HHIPL2: variants seen among roughly 807,000 people sequenced by gnomAD.
HHIPL2 encodes the protein HHIP like 2.
Under a neutral mutation model 61.0 loss-of-function variants are expected in HHIPL2, and 61 were observed. The ratio of observed to expected loss-of-function variants is 1.00; its 90% CI spans 0.81 to 1.24. The LOEUF (loss-of-function observed/expected upper bound fraction) is 1.24. Among genes scored for constraint, HHIPL2 ranks in the 50% most tolerant of loss-of-function variants. HHIPL2 has a pLI of 0.00. For synonymous variants in HHIPL2, 343 were observed against 357.4 expected (o/e 0.96, Z 0.45); for missense variants, 885 against 910.2 (o/e 0.97, Z 0.36).
In HHIPL2 at chr1:222,522,905, A is replaced by G. The variant is rs750606508; in HGVS notation, c.1889-18T>C. 5 of 1,600,270 alleles carry G rather than the reference A, an allele frequency of 3.1e-6. No individual in the cohort carries two copies. In the East Asian group the frequency reaches 8.9e-5, roughly 29 times the overall value. On this transcript the variant is annotated intron_variant, in intron 8 of 8. Transcript: ENST00000343410. ...GACTGTCTCTGAGAAATCAGTATTTATTTAGTGAAAAATATAAGTCCCAGA... is the reference window on the plus strand; with the variant it reads ...GACTGTCTCTGAGAAATCAGTATTTGTTTAGTGAAAAATATAAGTCCCAGA...
At chr1:222,547,358 G>A (rs1286000665) in intron 1 of HHIPL2, among the ~76,000 whole-genome samples, 2 of 152,148 alleles carry the variant, frequency 1.3e-5, no homozygotes, top group Admixed American at 1.3e-4. Flanking sequence ...AATTCCACGG[G>A]TTTAAGTGCC....
intron 5 of HHIPL2, among the ~76,000 whole-genome samples, chr1:222,537,481 A>C (rs1659324751): frequency 1.3e-5 from 2 of 151,838 alleles, no homozygotes. Context: ...AATACAAAAA[A>C]TTAGCTGGGC....
chr1:222,543,706 C>T lies in HHIPL2; in HGVS notation c.805G>A (p.Gly269Arg). Reference protein sequence around the residue: ...KNIVLTTPWIGDERGFLGLAF... With the variant: ...KNIVLTTPWIRDERGFLGLAF... ...AACCCCAAGAAGCCTCTCTCATCCC[C>T]GATCCATGGGGTGGTCAACACGATG... The change falls in exon 2 of 9, where the codon GGG (glycine) becomes AGG (arginine). Residue 269 changes from glycine to arginine, a missense_variant. By Grantham distance (125) the Gly-to-Arg change is moderately radical (BLOSUM62 -2). Coordinates refer to ENST00000343410, the MANE Select transcript of HHIPL2 (RefSeq NM_024746.4). 1 of 1,614,196 alleles carries T rather than the reference C, an allele frequency of 6.2e-7. No individual in the cohort carries two copies. The highest frequency in any genetic ancestry group is 2.2e-5 in the East Asian group (1 of 44,878).
In HHIPL2 at chr1:222,540,040, C is replaced by A; in HGVS notation, c.1420G>T (p.Asp474Tyr). The change falls in exon 4 of 9, where the codon GAC (aspartate) becomes TAC (tyrosine). Residue 474 changes from aspartate (D) to tyrosine (Y), a missense_variant. Transcript: ENST00000343410. ...WRAKEGFACY[D>Y]KKLCHNASLD... ...GAGGCATTGTGACAAAGTTTTTTGT[C>A]ATAACATGCAAACCCTTCCTTTGCT... 6.2e-7 allele frequency: 1 copy of A among 1,614,028 alleles called. No individual in the cohort carries two copies. The highest frequency in any genetic ancestry group is 1.1e-5 in the South Asian group (1 of 91,038).
intron 4 of HHIPL2, among the ~76,000 whole-genome samples, chr1:222,539,563 GA>G (rs1172728703): frequency 7.3e-6 from 1 of 137,360 alleles, no homozygotes; most frequent in East Asian, 2.1e-4. Flanking sequence ...AGAAAGAAAA[GA>G]AAAAAAAAGA....
intron 1 of HHIPL2, among the ~76,000 whole-genome samples, chr1:222,545,739 T>C (rs1004616109): frequency 6.6e-6 from 1 of 151,908 alleles, no homozygotes; most frequent in Non-Finnish European, 1.5e-5. Context: ...TCAAAGCCCA[T>C]AAGGTCTCTA....
intron 1 of HHIPL2, among the ~76,000 whole-genome samples, chr1:222,546,047 AAAATAAAT>A (rs142768169): frequency 7.1e-6 from 1 of 141,280 alleles, no homozygotes; most frequent in Non-Finnish European, 1.5e-5. Flanking sequence ...TCTGTCTCAA[AAAATAAAT>A]AAATAAATAA....
chr1:222,529,369 C>T (rs1237981595), intron 6 of HHIPL2, among the ~76,000 whole-genome samples: 1 of 152,120 alleles, frequency 6.6e-6, no homozygotes, highest in Admixed American at 6.6e-5. Flanking sequence ...GTGATTCTAC[C>T]ATTAGATAAA....
In HHIPL2 at chr1:222,522,669, G is replaced by A; in HGVS notation, c.2107C>T (p.Leu703=). Residue 703 remains leucine (L), a synonymous_variant, in exon 9 of 9, where the codon CTG becomes TTG. Transcript: ENST00000343410. ...HVRQGKRRKS[L]KSHSGRMRPS... ...CTCATCCTGCCACTGTGGCTTTTCA[G>A]GCTCTTCCTCCTCTTGCCCTGGCGG... 1 of 1,614,166 alleles carries A rather than the reference G, an allele frequency of 6.2e-7. No individual in the cohort carries two copies.
At chr1:222,526,705 CAAAAAA>C (rs1187186640) in intron 7 of HHIPL2, among the ~76,000 whole-genome samples, 2 of 54,280 alleles carry the variant, frequency 3.7e-5, no homozygotes, top group East Asian at 1.2e-3. Context: ...AACTCCATCT[CAAAAAA>C]AAAAAAAAAA....
intron 2 of HHIPL2, among the ~76,000 whole-genome samples, chr1:222,542,523 TC>T (rs1407249966): frequency 7.6e-6 from 1 of 131,258 alleles, no homozygotes; most frequent in Non-Finnish European, 1.6e-5. Flanking sequence ...CCCCACCACA[TC>T]TGGCTTTTTT....
rs145663725 is a variant in HHIPL2, at chr1:222,543,817, A to G, written c.694T>C (p.Phe232Leu). The change falls in exon 2 of 9, where the codon TTC becomes CTC. Residue 232 changes from phenylalanine to leucine, a missense_variant. Coordinates refer to ENST00000343410, the MANE Select transcript of HHIPL2 (RefSeq NM_024746.4). ...MVHAGDGTHR[F>L]FVAEQVGVVW... ...ACTCCTACCTGCTCGGCAACAAAGA[A>G]GCGATGGGTGCCGTCCCCAGCATGG... 2 of 1,614,144 alleles carry G rather than the reference A, an allele frequency of 1.2e-6. No homozygotes were observed. Among genetic ancestry groups the G allele is most frequent in the Non-Finnish European group, 1.7e-6 (2 of 1,180,016 alleles).
In HHIPL2 at chr1:222,528,606, G is replaced by A. The variant is rs541594346; in HGVS notation, c.1724-1556C>T. Among the ~76,000 whole-genome samples, 14 of 150,868 alleles carry A rather than the reference G, an allele frequency of 9.3e-5. No individual in the cohort carries two copies. In the South Asian group the frequency reaches 1.9e-3, roughly 20 times the overall value. On this transcript the variant is annotated intron_variant, in intron 6 of 8. Transcript: ENST00000343410. ...GCAGTAGGCAACAGAGCGAGACTCC[G>A]TCTCAAAAAAAAAAAGAAAGTGTTC...
intron 7 of HHIPL2, among the ~76,000 whole-genome samples, chr1:222,525,669 A>C (rs1222587102): frequency 1.3e-5 from 2 of 151,982 alleles, no homozygotes; most frequent in Non-Finnish European, 2.9e-5. Context: ...TCAGGGGGAG[A>C]TTTTCTTGCT....
chr1:222,537,452 CA>C (rs1019529128), intron 5 of HHIPL2, among the ~76,000 whole-genome samples: 250 of 138,908 alleles, frequency 1.8e-3, no homozygotes, highest in Admixed American at 3.5e-3. Flanking sequence ...GGCTTCAATT[CA>C]AAAAAAAAAA....
chr1:222,540,501 G>A (rs968135843), intron 3 of HHIPL2, among the ~76,000 whole-genome samples, 160 bp from the exon 4 acceptor site: 13 of 152,072 alleles, frequency 8.5e-5, no homozygotes, highest in South Asian at 2.1e-4. Flanking sequence ...TTTTGTACCC[G>A]CAAGTATGAG....
chr1:222,531,909 C>G (rs1486435338), intron 6 of HHIPL2, 57 bp downstream of exon 6: 1 of 1,485,634 alleles, frequency 6.7e-7, no homozygotes, highest in African/African-American at 1.4e-5. Context: ...TCAGTTGATG[C>G]CTGTGATTAT....
At position 222,526,960 on chromosome 1, in the gene HHIPL2, A is replaced by G. The variant is rs568217770; in HGVS notation, c.1805+9T>C. 1.6e-5 allele frequency: 25 copies of G among 1,607,490 alleles called. No individual in the cohort carries two copies. Among genetic ancestry groups the G allele is most frequent in the African/African-American group, 1.5e-4 (11 of 74,922 alleles). ...ATGCATTTGAGAAGAAAATGACATC[A>G]AATCTCACCTTGAGGGGTCAACAAA... On this transcript the variant is annotated intron_variant, in intron 7 of 8. Transcript: ENST00000343410.
intron 5 of HHIPL2, among the ~76,000 whole-genome samples, chr1:222,532,418 G>A (rs910616953): frequency 2.6e-5 from 4 of 152,116 alleles, no homozygotes; most frequent in African/African-American, 9.7e-5. Flanking sequence ...TTCACGACCA[G>A]CCTGGCCAAC....
Sources: gnomAD v4.1 joint callset for allele counts (sites outside exome capture counted in the v4.1 genomes callset) on GRCh38, gnomAD v4.1.1 for gene constraint, MANE v1.5 for transcripts, NCBI Gene and HGNC (gene_info 2026-07-23, HGNC 2026-07-21) for gene names.